Variants in RAVER1 observed in about 807,000 individuals in gnomAD.
RAVER1 encodes the protein ribonucleoprotein, PTB binding 1.
In RAVER1, 36 loss-of-function variants were observed where a neutral mutation model predicts 68.4. That is an observed-to-expected ratio of 0.53 (90% CI 0.40 to 0.70). The LOEUF (loss-of-function observed/expected upper bound fraction) is 0.70, where lower values mean the gene tolerates loss of function less well. Among genes scored for constraint, RAVER1 ranks in the 30% least tolerant of loss-of-function variants. RAVER1 has a pLI of 0.00. For missense variants in RAVER1, 933 were observed against 1,019.8 expected (o/e 0.91, Z 1.16); for synonymous variants, 469 against 472.7 (o/e 0.99, Z 0.10).
In RAVER1 at chr19:10,321,727, A is replaced by C. The variant is rs1472297944; in HGVS notation, c.1174-109T>G. On this transcript the variant is annotated intron_variant, in intron 6 of 12. Coordinates refer to ENST00000617231, the MANE Select transcript of RAVER1 (RefSeq NM_133452.3). ...ACACCCCAACTCCAGGGCACGGCCG[A>C]TCCTGGGCAGACAGGCACAGGGTTC... 9 of 819,818 alleles carry C rather than the reference A, an allele frequency of 1.1e-5. No individual in the cohort carries two copies. The African/African-American group carries it at 1.4e-4, about 13-fold the overall frequency. The allele number at this position is 819,818 out of a possible 1,614,324, so 50.8% of individuals were successfully genotyped here.
chr19:10,333,192 G>A lies in RAVER1; in HGVS notation c.219+97C>T. 2 of 1,220,988 alleles carry A rather than the reference G, an allele frequency of 1.6e-6. No homozygotes were observed. The highest frequency in any genetic ancestry group is 1.6e-5 in the South Asian group (1 of 62,158). 75.6% of individuals were successfully genotyped at this position (1,220,988 alleles called of 1,614,324 possible). On this transcript the variant is annotated intron_variant, in intron 1 of 12. Transcript: ENST00000617231. This position sits in a 1 kb window ranked among gnomAD's most constrained non-coding sequence, Gnocchi z 4.2. ...CCGGTGCTTGGGCGCCCCCGCCAAC[G>A]ACCCCCGCGCACCTCAGCGTTGGTG...
chr19:10,331,121 G>A (rs1269089244), intron 1 of RAVER1, among the ~76,000 whole-genome samples: 2 of 150,026 alleles, frequency 1.3e-5, no homozygotes, highest in African/African-American at 2.5e-5. Flanking sequence ...AGGCCGAGGC[G>A]GGTGGATCAC....
In RAVER1 at chr19:10,323,086, G is replaced by T; in HGVS notation, c.1078+59C>A. 1 of 1,375,646 alleles carries T rather than the reference G, an allele frequency of 7.3e-7. No individual in the cohort carries two copies. Among genetic ancestry groups the T allele is most frequent in the Non-Finnish European group, 9.8e-7 (1 of 1,021,700 alleles). 85.2% of individuals were successfully genotyped at this position (1,375,646 alleles called of 1,614,324 possible). A position where few individuals can be genotyped will look rare whatever the true frequency, so the allele number is the denominator to read the frequency against. On this transcript the variant is annotated intron_variant, in intron 5 of 12. Transcript: ENST00000617231. The surrounding 1 kb of genome is among the most constrained non-coding windows in gnomAD (Gnocchi z 6.2). ...AAGATGAGCAGTTTCGGGAAGTGCC[G>T]GGGGCAGCGCTGCAGCCCCTGTTCT...
chr19:10,326,638 A>G (rs1262355018), intron 3 of RAVER1, among the ~76,000 whole-genome samples: 4 of 150,486 alleles, frequency 2.7e-5, no homozygotes, highest in African/African-American at 9.8e-5. Flanking sequence ...TATTTTTAGT[A>G]GAGACGGGAT....
At chr19:10,331,478 G>A (rs371196472) in intron 1 of RAVER1, among the ~76,000 whole-genome samples, 15 of 139,712 alleles carry the variant, frequency 1.1e-4, no homozygotes, top group African/African-American at 4.0e-4. Flanking sequence ...ACAAGATCAA[G>A]AGATCGAGAC....
In RAVER1 at chr19:10,329,782, G is replaced by A. The variant is rs1019729471; in HGVS notation, c.287-671C>T. ...ATCTTGTGGCTTCTAGCTGCAGGGT[G>A]CAGTGCAGCCTGTGCGGGCTCGCTG... On this transcript the variant is annotated intron_variant, in intron 2 of 12. Transcript: ENST00000617231. The surrounding 1 kb of genome is among the most constrained non-coding windows in gnomAD (Gnocchi z 4.6). Among the ~76,000 whole-genome samples the A allele has an allele frequency of 4.6e-5, 7 of 152,148 alleles. No homozygotes were observed. Among genetic ancestry groups the A allele is most frequent in the Non-Finnish European group, 7.3e-5 (5 of 68,028 alleles).
Position 10,323,350 on chromosome 19 carries a change from G to A in RAVER1, c.948+25C>T, listed in dbSNP as rs373234326. ...CCCATGGGGCTCCCATCCCCACCCC[G>A]CCACCTCTGCCCGCACAGGCTCACC... On this transcript the variant is annotated intron_variant, in intron 4 of 12. Transcript: ENST00000617231. This position sits in a 1 kb window ranked among gnomAD's most constrained non-coding sequence, Gnocchi z 6.2. The A allele has an allele frequency of 4.4e-5, 71 of 1,605,892 alleles. No homozygotes were observed. Among genetic ancestry groups the A allele is most frequent in the African/African-American group, 3.2e-4 (24 of 74,788 alleles).
In RAVER1 at chr19:10,329,542, A is replaced by G. The variant is rs1395732419; in HGVS notation, c.287-431T>C. Among the ~76,000 whole-genome samples, 1 of 152,152 alleles carries G rather than the reference A, an allele frequency of 6.6e-6. No homozygotes were observed. The highest frequency in any genetic ancestry group is 1.5e-5 in the Non-Finnish European group (1 of 67,986). ...CACAATCACCATTTTGCCAGAGAGG[A>G]AACGGGCCCAGAGCAGCACCCCTGT... On this transcript the variant is annotated intron_variant, in intron 2 of 12. Coordinates refer to ENST00000617231, the MANE Select transcript of RAVER1 (RefSeq NM_133452.3). This position sits in a 1 kb window ranked among gnomAD's most constrained non-coding sequence, Gnocchi z 4.6.
chr19:10,330,441 G>A lies in RAVER1; in HGVS notation c.286+19C>T, dbSNP rs3181049. 212,540 of 1,333,244 alleles carry A rather than the reference G, an allele frequency of 0.16. 17,907 individuals carry two copies. Among genetic ancestry groups the A allele is most frequent in the Middle Eastern group, 0.22 (1,031 of 4,612 alleles). 82.6% of individuals were successfully genotyped at this position (1,333,244 alleles called of 1,614,324 possible). A position where few individuals can be genotyped will look rare whatever the true frequency, so the allele number is the denominator to read the frequency against. On this transcript the variant is annotated intron_variant, in intron 2 of 12. Transcript: ENST00000617231. ...GGATGGTCACTCCCTGCCCTGGCCC[G>A]CCCCATGGCCCCACAAACCTGTCCC...
In RAVER1 at chr19:10,322,301, G is replaced by A. The variant is rs528333542; in HGVS notation, c.1173+344C>T. 143 of 314,846 alleles carry A rather than the reference G, an allele frequency of 4.5e-4. No individual in the cohort carries two copies. The highest frequency in any genetic ancestry group is 2.9e-3 in the African/African-American group (130 of 45,248). The allele number at this position is 314,846 out of a possible 1,614,324, so 19.5% of individuals were successfully genotyped here. A position where few individuals can be genotyped will look rare whatever the true frequency, so the allele number is the denominator to read the frequency against. On this transcript the variant is annotated intron_variant, in intron 6 of 12. Coordinates refer to ENST00000617231, the MANE Select transcript of RAVER1 (RefSeq NM_133452.3). The surrounding 1 kb of genome is among the most constrained non-coding windows in gnomAD (Gnocchi z 4.3). ...TCCCAGGCATGTCTATAGAGCTTCC[G>A]AGCAGAGTCTATTCACAAACTGGTG...
Position 10,317,319 on chromosome 19 carries a change from T to C in RAVER1, c.*135A>G, listed in dbSNP as rs2040397090. On this transcript the variant is annotated 3_prime_UTR_variant, in exon 13 of 13. Transcript: ENST00000617231. This position sits in a 1 kb window ranked among gnomAD's most constrained non-coding sequence, Gnocchi z 4.3. ...TTGGGCTCCTGGGGCTCCGGCTGAT[T>C]GGTCAGTAAAGTCTTTCAGAGATTT... The C allele has an allele frequency of 1.0e-6, 1 of 970,778 alleles. No homozygotes were observed. Among genetic ancestry groups the C allele is most frequent in the Non-Finnish European group, 1.6e-6 (1 of 634,154 alleles). 60.1% of individuals were successfully genotyped at this position (970,778 alleles called of 1,614,324 possible).
At position 10,316,415 on chromosome 19, in the gene RAVER1, T is replaced by C. The variant is rs1032275006; in HGVS notation, c.*1039A>G. 3 of 1,024,484 alleles carry C rather than the reference T, an allele frequency of 2.9e-6. No individual in the cohort carries two copies. The highest frequency in any genetic ancestry group is 3.6e-5 in the South Asian group (1 of 27,916). 63.5% of individuals were successfully genotyped at this position (1,024,484 alleles called of 1,614,324 possible). On this transcript the variant is annotated 3_prime_UTR_variant, in exon 13 of 13. Coordinates refer to ENST00000617231, the MANE Select transcript of RAVER1 (RefSeq NM_133452.3). ...CCTGCTGGTGGGCGGGCCCAGAGTTTATCTTCATGGAGTGCTGGTTTCTGG... is the reference window on the plus strand; with the variant it reads ...CCTGCTGGTGGGCGGGCCCAGAGTTCATCTTCATGGAGTGCTGGTTTCTGG...
chr19:10,319,227 C>G lies in RAVER1; in HGVS notation c.1784G>C (p.Arg595Pro), dbSNP rs200307347. Reference sequence around the variant, plus strand: ...TTCCCGTGGGTGGGAGAAGAGCCGCCGAGGTCCCATGTCCTGAATGAAAGC... The same window carrying G: ...TTCCCGTGGGTGGGAGAAGAGCCGCGGAGGTCCCATGTCCTGAATGAAAGC... ...SFDYPSDMGP[R>P]RLFSHPREPA... Residue 595 changes from arginine (R) to proline (P), a missense_variant, in exon 10 of 13, where the codon CGG becomes CCG. By Grantham distance (103) the Arg-to-Pro change is moderately radical (BLOSUM62 -2). This residue lies in a region of RAVER1 where 699 missense variants were observed against 731.1 expected (regional missense o/e 0.96). Transcript: ENST00000617231. 12 of 1,613,658 alleles carry G rather than the reference C, an allele frequency of 7.4e-6. No individual in the cohort carries two copies. The highest frequency in any genetic ancestry group is 1.1e-5 in the South Asian group (1 of 91,076).
At chr19:10,318,779 C>G (rs34157869) in intron 10 of RAVER1, among the ~76,000 whole-genome samples, 31,136 of 152,154 alleles carry the variant, frequency 0.2, 3,435 homozygotes, top group Admixed American at 0.3. Context: ...AATGGGCACA[C>G]AGAAACTGTT....
intron 3 of RAVER1, among the ~76,000 whole-genome samples, chr19:10,325,076 G>A (rs1378258308): frequency 2.6e-5 from 4 of 151,294 alleles, no homozygotes; most frequent in South Asian, 2.1e-4. Flanking sequence ...GCTGGAGTGC[G>A]GTGGCATGAT....
chr19:10,329,716 C>T lies in RAVER1; in HGVS notation c.287-605G>A, dbSNP rs1042179614. 8.5e-4 allele frequency among the ~76,000 whole-genome samples: 130 copies of T among 152,170 alleles called. 8 individuals are homozygous for T. The highest frequency in any genetic ancestry group is 3.8e-4 in the East Asian group (2 of 5,196). On this transcript the variant is annotated intron_variant, in intron 2 of 12. Transcript: ENST00000617231. This position sits in a 1 kb window ranked among gnomAD's most constrained non-coding sequence, Gnocchi z 4.6. Reference sequence around the variant, plus strand: ...TGCCCCAGATTTGCGATCCACCCAGCGGCCGCAGGAAGCTTTGTTCAAAAC... The same window carrying T: ...TGCCCCAGATTTGCGATCCACCCAGTGGCCGCAGGAAGCTTTGTTCAAAAC...
rs2040437505 is a variant in RAVER1 at position 10,321,468 on chromosome 19, C to T, written c.1261+63G>A. ...CAGAGGTTGGGTCACTCACCCGAGG[C>T]CACGTAGCAGGGAAGGAAGGGGAAG... On this transcript the variant is annotated intron_variant, in intron 7 of 12. Transcript: ENST00000617231. 3.1e-6 allele frequency: 4 copies of T among 1,287,612 alleles called. No individual in the cohort carries two copies. In the East Asian group the frequency reaches 8.5e-5, roughly 27 times the overall value. 79.8% of individuals were successfully genotyped at this position (1,287,612 alleles called of 1,614,324 possible).
chr19:10,321,310 CCCAGGGCCCTCCAGCTCCCACCTGGA>C (rs1299428195), intron 7 of RAVER1, 51 bp from the exon 8 acceptor site: 18 of 991,430 alleles, frequency 1.8e-5, no homozygotes, highest in Non-Finnish European at 2.3e-5. Context: ...GACCCCTCTC[CCCAGGGCCCTCCAGCTCCCACCTGGA>C]CCAGGGCCCA....
chr19:10,320,742 G>C lies in RAVER1; in HGVS notation c.1683C>G (p.Leu561=). The change falls in exon 9 of 13, where the codon CTC becomes CTG. Residue 561 remains leucine, a synonymous_variant. Coordinates refer to ENST00000617231, the MANE Select transcript of RAVER1 (RefSeq NM_133452.3). ...GGSSSSKAFQ[L]KSRLLSPLSS... Reference sequence around the variant, plus strand: ...TGAGGGGGCTGAGCAGGCGGGACTTGAGCTGGAAGGCTTTGCTGCTGCTGC... The same window carrying C: ...TGAGGGGGCTGAGCAGGCGGGACTTCAGCTGGAAGGCTTTGCTGCTGCTGC... 6.6e-7 allele frequency: 1 copy of C among 1,524,604 alleles called. No homozygotes were observed. The highest frequency in any genetic ancestry group is 8.7e-7 in the Non-Finnish European group (1 of 1,145,202). 94.4% of individuals were successfully genotyped at this position (1,524,604 alleles called of 1,614,324 possible).
Sources: gnomAD v4.1 joint callset for allele counts (sites outside exome capture counted in the v4.1 genomes callset) on GRCh38, gnomAD v4.1.1 for gene constraint, gnomAD v4.1.1 regional missense constraint, Gnocchi (gnomAD v3.1) non-coding constraint, MANE v1.5 for transcripts, NCBI Gene and HGNC (gene_info 2026-07-23, HGNC 2026-07-21) for gene names.